Variants in GRID1 observed in about 807,000 individuals in gnomAD.
GRID1 encodes the protein glutamate ionotropic receptor delta type subunit 1.
Under a neutral mutation model 98.0 loss-of-function variants are expected in GRID1, and 28 were observed. That is an observed-to-expected ratio of 0.29 (90% CI 0.21 to 0.39). GRID1 has a LOEUF of 0.39. GRID1 is among the 10% of genes least tolerant of loss of function. GRID1 has a pLI of 1.00. For missense variants in GRID1, 1,111 were observed against 1,340.5 expected (o/e 0.83, Z 2.67); for synonymous variants, 553 against 538.5 (o/e 1.03, Z -0.37).
intron 4 of GRID1, among the ~76,000 whole-genome samples, chr10:85,945,528 A>G (rs997986187): frequency 2.0e-5 from 3 of 152,204 alleles, no homozygotes; most frequent in Non-Finnish European, 4.4e-5. Context: ...TGCTTCCTCA[A>G]TCTTAGCAAA....
chr10:86,248,563 CTTTTTTTTTTTT>C lies in GRID1; in HGVS notation c.236-41927_236-41916del, dbSNP rs200060771. ...TGTCTGCAAATCGGGCATGACAATT[CTTTTTTTTTTTT>C]TTTTTTTTTTTTTTTTTTTTGAGAC... On this transcript the variant is annotated intron_variant, in intron 2 of 15. Coordinates refer to ENST00000327946, the MANE Select transcript of GRID1 (RefSeq NM_017551.3). Among the ~76,000 whole-genome samples the C allele has an allele frequency of 9.0e-5, 11 of 121,854 alleles. No homozygotes were observed. In the South Asian group the frequency reaches 3.0e-3, roughly 33 times the overall value. 79.9% of individuals were successfully genotyped at this position (121,854 alleles called of 152,430 possible).
At chr10:86,248,779 C>T (rs1005742022) in intron 2 of GRID1, among the ~76,000 whole-genome samples, 14 of 152,126 alleles carry the variant, frequency 9.2e-5, no homozygotes, top group African/African-American at 3.4e-4. Flanking sequence ...CACTATGTTG[C>T]TCAGGGTGGT....
intron 12 of GRID1, among the ~76,000 whole-genome samples, chr10:85,667,244 G>A (rs539427614): frequency 5.3e-5 from 8 of 151,908 alleles, no homozygotes; most frequent in South Asian, 2.1e-4. Flanking sequence ...AATTTCCCCC[G>A]CATCCTCTGG....
intron 2 of GRID1, among the ~76,000 whole-genome samples, chr10:86,358,930 T>C (rs756709034): frequency 2.6e-5 from 4 of 151,992 alleles, no homozygotes; most frequent in Non-Finnish European, 5.9e-5. Flanking sequence ...CCGCCATTGC[T>C]GGCCTTGAAA....
intron 4 of GRID1, among the ~76,000 whole-genome samples, chr10:85,952,734 C>G (rs555210335): frequency 1.4e-4 from 22 of 152,298 alleles, no homozygotes; most frequent in African/African-American, 4.6e-4. Context: ...TGATCCCCCC[C>G]TCCAAACCAA....
intron 8 of GRID1, among the ~76,000 whole-genome samples, chr10:85,840,122 G>A (rs566272201): frequency 2.0e-5 from 3 of 151,976 alleles, no homozygotes; most frequent in Admixed American, 1.3e-4. Context: ...ATAGCCTACC[G>A]ACCCCAAAAG....
At chr10:85,651,463 C>T (rs982648954) in intron 12 of GRID1, among the ~76,000 whole-genome samples, 18 of 152,358 alleles carry the variant, frequency 1.2e-4, no homozygotes, top group South Asian at 8.3e-4. Context: ...TTGTTTCCAT[C>T]TTGCTGCCAA....
At chr10:85,634,249 C>CCTGTCTCTCTCTCTCTCT (rs1843008145) in intron 13 of GRID1, among the ~76,000 whole-genome samples, 1 of 92,314 alleles carries the variant, frequency 1.1e-5, no homozygotes, top group Non-Finnish European at 2.1e-5. Flanking sequence ...TGATGGGGCA[C>CCTGTCTCTCTCTCTCTCT]CTCTCTCTCT....
In GRID1 at chr10:85,865,981, AG is replaced by A. The variant is rs1843217292; in HGVS notation, c.951+3028del. Among the ~76,000 whole-genome samples the A allele has an allele frequency of 2.1e-5, 3 of 142,380 alleles. No homozygotes were observed. The Admixed American group carries it at 2.1e-4, about 10-fold the overall frequency. 93.4% of individuals were successfully genotyped at this position (142,380 alleles called of 152,430 possible). ...GAGAGAGAGAGAGAGAGAGAGAGAG[AG>A]AGAGAGAGAGAGAGAGGCATCTAGG... On this transcript the variant is annotated intron_variant, in intron 6 of 15. Transcript: ENST00000327946.
At chr10:86,339,108 C>A (rs970071610) in intron 2 of GRID1, among the ~76,000 whole-genome samples, 2 of 152,184 alleles carry the variant, frequency 1.3e-5, no homozygotes, top group Non-Finnish European at 2.9e-5. Flanking sequence ...CCACCCTGAA[C>A]CCCAGCACCC....
intron 12 of GRID1, among the ~76,000 whole-genome samples, chr10:85,658,691 G>A (rs938669487): frequency 5.3e-5 from 8 of 152,160 alleles, no homozygotes; most frequent in African/African-American, 1.9e-4. Context: ...AGCAGACAAG[G>A]AACTGGGACT....
chr10:86,085,793 C>T (rs1032890826), intron 4 of GRID1, among the ~76,000 whole-genome samples: 5 of 152,050 alleles, frequency 3.3e-5, no homozygotes, highest in Non-Finnish European at 4.4e-5. Context: ...TCCCACAGCC[C>T]GTGGCATCAA....
chr10:85,656,582 C>T (rs1047182912), intron 12 of GRID1, among the ~76,000 whole-genome samples: 4 of 152,180 alleles, frequency 2.6e-5, no homozygotes, highest in Non-Finnish European at 4.4e-5. Flanking sequence ...GCTCTTAAAT[C>T]ACTAACCCCT....
chr10:85,897,030 A>G (rs1020774168), intron 5 of GRID1, among the ~76,000 whole-genome samples: 3 of 152,240 alleles, frequency 2.0e-5, no homozygotes, highest in Non-Finnish European at 4.4e-5. Context: ...ATGATACATT[A>G]TTAATTGAAA....
At chr10:85,974,442 A>T (rs1842446740) in intron 4 of GRID1, among the ~76,000 whole-genome samples, 1 of 152,194 alleles carries the variant, frequency 6.6e-6, no homozygotes, top group Non-Finnish European at 1.5e-5. Flanking sequence ...GTCAGGTACT[A>T]TTATTGTTTT....
intron 8 of GRID1, among the ~76,000 whole-genome samples, chr10:85,827,053 ACTCAAAAAGCCAGAGTATC>A (rs1842826675): frequency 6.6e-6 from 1 of 152,208 alleles, no homozygotes. Context: ...AACTCTAGCA[ACTCAAAAAGCCAGAGTATC>A]CTCTTACCTC....
chr10:86,236,534 G>A (rs1846542208), intron 2 of GRID1, among the ~76,000 whole-genome samples: 1 of 152,212 alleles, frequency 6.6e-6, no homozygotes, highest in African/African-American at 2.4e-5. Flanking sequence ...AGTACCCAGT[G>A]CAATACAGAT....
At chr10:86,337,802 G>A (rs1848247605) in intron 2 of GRID1, among the ~76,000 whole-genome samples, 1 of 140,288 alleles carries the variant, frequency 7.1e-6, no homozygotes, top group Non-Finnish European at 1.5e-5. Context: ...CGGTCTCCCA[G>A]GTTCAAGTGA....
intron 5 of GRID1, among the ~76,000 whole-genome samples, chr10:85,881,994 A>G (rs1215314177): frequency 6.6e-6 from 1 of 152,242 alleles, no homozygotes; most frequent in African/African-American, 2.4e-5. Flanking sequence ...AAAAGAAGAC[A>G]TTTATGCAGC....
Sources: allele counts gnomAD v4.1 joint callset (sites outside exome capture counted in the v4.1 genomes callset), GRCh38; gene constraint gnomAD v4.1.1; transcripts MANE v1.5; gene names NCBI Gene and HGNC (gene_info 2026-07-23, HGNC 2026-07-21).